Variants in IARS1 observed in about 807,000 individuals in gnomAD.
IARS1 encodes isoleucyl-tRNA synthetase 1.
A neutral mutation model predicts 168.2 loss-of-function variants in IARS1; 124 were observed. That is an observed-to-expected ratio of 0.74 (90% CI 0.64 to 0.86). The LOEUF is 0.86. Ranked by LOEUF, IARS1 falls within the 40% of genes least tolerant of loss-of-function variation. IARS1 has a pLI of 0.00. For synonymous variants in IARS1, 532 were observed against 529.4 expected (o/e 1.00, Z -0.07); for missense variants, 1,452 against 1,515.8 (o/e 0.96, Z 0.70).
At chr9:92,252,401 CGTGT>C (rs745345154) in intron 21 of IARS1, 3 of 515,628 alleles carry the variant, frequency 5.8e-6, no homozygotes, top group Admixed American at 2.0e-5. Context: ...CTTCTAGATA[CGTGT>C]GTGTGAGATA....
intron 30 of IARS1, among the ~76,000 whole-genome samples, chr9:92,231,097 T>C (rs571879359): frequency 1.3e-5 from 2 of 152,350 alleles, no homozygotes; most frequent in African/African-American, 4.8e-5. Flanking sequence ...TAGTTCAATA[T>C]ATCACTTTTC....
chr9:92,212,013 G>T (rs1837845081), intron 33 of IARS1, among the ~76,000 whole-genome samples: 1 of 152,164 alleles, frequency 6.6e-6, no homozygotes. Flanking sequence ...TCTGCCTACT[G>T]TGGAGCATTT....
At chr9:92,262,541 G>C (rs1831671333) in intron 17 of IARS1, among the ~76,000 whole-genome samples, 1 of 152,108 alleles carries the variant, frequency 6.6e-6, no homozygotes, top group Admixed American at 6.5e-5. Flanking sequence ...AATGGGATCT[G>C]GTGGCAGAGT....
At chr9:92,254,181 A>G (rs568286506) in intron 20 of IARS1, among the ~76,000 whole-genome samples, 1 of 152,328 alleles carries the variant, frequency 6.6e-6, no homozygotes, top group South Asian at 2.1e-4. Context: ...TAAAAACAGC[A>G]TCAGAGGTAG....
intron 22 of IARS1, 194 bp from the exon 23 acceptor site, chr9:92,251,028 T>C (rs549870171): frequency 6.3e-5 from 40 of 638,518 alleles, no homozygotes; most frequent in Non-Finnish European, 1.1e-4. Context: ...GGACTGTAGA[T>C]AGAAAAACCC....
chr9:92,289,452 T>G, intron 1 of IARS1, 26 bp from the exon 2 acceptor site: 1 of 960,278 alleles, frequency 1.0e-6, no homozygotes, highest in Non-Finnish European at 1.7e-6. Context: ...AATTTATTAC[T>G]GTCAAAAGAG....
rs146926129 is a variant in IARS1, at chr9:92,285,718, G to T, written c.597+4C>A. On this transcript the variant is annotated splice_donor_region_variant and intron_variant, in intron 6 of 33. Transcript: ENST00000443024. The stretch of plus-strand genomic sequence containing the variant: ...GCTGAATAATGTCTCTACATTTCAC[G>T]TACCTTATAATTCTGGTGTGACTCG... 6.5e-7 allele frequency: 1 copy of T among 1,549,962 alleles called. No homozygotes were observed. The highest frequency in any genetic ancestry group is 1.4e-5 in the African/African-American group (1 of 73,732).
chr9:92,221,283 G>A (rs185545962), intron 33 of IARS1, among the ~76,000 whole-genome samples: 45 of 150,692 alleles, frequency 3.0e-4, no homozygotes, highest in African/African-American at 1.0e-3. Context: ...GAATACCAGA[G>A]AGAATGAATA....
chr9:92,271,111 A>G, intron 11 of IARS1, 35 bp from the exon 12 acceptor site: 1 of 1,302,566 alleles, frequency 7.7e-7, no homozygotes, highest in Non-Finnish European at 1.1e-6. Context: ...CCATTAAAAC[A>G]TACTATAATA....
intron 31 of IARS1, among the ~76,000 whole-genome samples, chr9:92,226,030 C>T (rs1825617009): frequency 6.6e-6 from 1 of 152,216 alleles, no homozygotes; most frequent in Admixed American, 6.5e-5. Context: ...TAGATGTGCA[C>T]TCTAGCCTGT....
intron 30 of IARS1, among the ~76,000 whole-genome samples, chr9:92,230,048 T>C (rs1415568918): frequency 6.6e-6 from 1 of 152,190 alleles, no homozygotes; most frequent in Non-Finnish European, 1.5e-5. Flanking sequence ...AAACATGTTA[T>C]GTGAATGCAA....
intron 33 of IARS1, among the ~76,000 whole-genome samples, chr9:92,211,881 T>C (rs891302893): frequency 6.6e-6 from 1 of 152,054 alleles, no homozygotes; most frequent in Non-Finnish European, 1.5e-5. Flanking sequence ...TGTTAAAGAA[T>C]ACAGGATCCA....
chr9:92,235,687 C>T (rs536732103), intron 30 of IARS1, among the ~76,000 whole-genome samples: 24 of 151,588 alleles, frequency 1.6e-4, no homozygotes, highest in African/African-American at 4.6e-4. Context: ...CCACCATGCC[C>T]GGCTAATTTT....
At chr9:92,291,795 C>T (rs1836381306) in intron 1 of IARS1, among the ~76,000 whole-genome samples, 1 of 152,088 alleles carries the variant, frequency 6.6e-6, no homozygotes, top group South Asian at 2.1e-4. Flanking sequence ...CCTACTATGG[C>T]CCACATCTAT....
At position 92,265,483 on chromosome 9, in the gene IARS1, T is replaced by C. The variant is rs752646713; in HGVS notation, c.1502A>G (p.Glu501Gly). The C allele has an allele frequency of 3.7e-6, 6 of 1,613,422 alleles. No individual in the cohort carries two copies. The highest frequency in any genetic ancestry group is 5.1e-6 in the Non-Finnish European group (6 of 1,179,452). The change falls in exon 15 of 34, where the codon GAG (glutamate) becomes GGG (glycine). Residue 501 changes from glutamate (E) to glycine (G), a missense_variant. By Grantham distance (98) the Glu-to-Gly change is moderately conservative. Transcript: ENST00000443024. Reference protein sequence around the residue: ...SGAKISDLHRESVDHLTIPSR... With the variant: ...SGAKISDLHRGSVDHLTIPSR... ...AATCGAACATTTAGAAACTGACCTC[T>C]CTCTGTGGAGATCTGAGATCTTTGC...
At chr9:92,235,804 C>T (rs1315773007) in intron 30 of IARS1, among the ~76,000 whole-genome samples, 3 of 151,834 alleles carry the variant, frequency 2.0e-5, no homozygotes, top group Admixed American at 6.6e-5. Flanking sequence ...GGATTACAGG[C>T]GTGACCCACC....
Position 92,229,074 on chromosome 9 carries a change from T to C in IARS1, c.3336A>G (p.Leu1112=). The C allele has an allele frequency of 3.1e-6, 5 of 1,614,096 alleles. No individual in the cohort carries two copies. The highest frequency in any genetic ancestry group is 4.2e-6 in the Non-Finnish European group (5 of 1,180,008). ...TGCTAGTGACAACACTCTTCAGCTT[T>C]AAAAGGTCCAACCTATTGTCACCTT... ...NPKGDNRLDL[L]KLKSVVTSIF... The change falls in exon 31 of 34, where the codon TTA becomes TTG. Residue 1112 remains leucine (L), a synonymous_variant. Transcript: ENST00000443024.
intron 10 of IARS1, among the ~76,000 whole-genome samples, chr9:92,273,328 G>A (rs1163890121): frequency 6.6e-6 from 1 of 152,090 alleles, no homozygotes; most frequent in Non-Finnish European, 1.5e-5. Context: ...GGTATTAGGT[G>A]ATTATTAAGG....
rs1249347619 is a variant in IARS1, at chr9:92,285,778, A to AG, written c.540dup (p.Phe181LeufsTer6). 2 of 1,613,828 alleles carry AG rather than the reference A, an allele frequency of 1.2e-6. No homozygotes were observed. The highest frequency in any genetic ancestry group is 1.7e-6 in the Non-Finnish European group (2 of 1,179,718). Reference sequence around the variant, plus strand: ...AGTGGAGTGTTACATGCCGTAGAGAAGGGCATGACTTTCACACCTCTATAA... The same window carrying AG: ...AGTGGAGTGTTACATGCCGTAGAGAAGGGGCATGACTTTCACACCTCTATAA... On this transcript the variant is annotated frameshift_variant, in exon 6 of 34. Transcript: ENST00000443024. LOFTEE classifies it high-confidence loss of function.
Sources: gnomAD v4.1 joint callset for allele counts (sites outside exome capture counted in the v4.1 genomes callset) on GRCh38, gnomAD v4.1.1 for gene constraint, MANE v1.5 for transcripts, NCBI Gene and HGNC (gene_info 2026-07-23, HGNC 2026-07-21) for gene names.